Variants in MBD5 observed in about 807,000 individuals in gnomAD.
MBD5 encodes methyl-CpG-binding domain protein 5.
In MBD5, 13 loss-of-function variants were observed where a neutral mutation model predicts 117.3. The ratio of observed to expected loss-of-function variants is 0.11; its 90% CI spans 0.07 to 0.18. The LOEUF (loss-of-function observed/expected upper bound fraction) is 0.18. Ranked by LOEUF, MBD5 falls within the 10% of genes least tolerant of loss-of-function variation. The pLI, the probability that MBD5 is intolerant of heterozygous loss-of-function variation, is 1.00. For missense variants in MBD5, 1,879 were observed against 2,093.8 expected (o/e 0.90, Z 2.00); for synonymous variants, 727 against 766.4 (o/e 0.95, Z 0.85).
intron 1 of MBD5, among the ~76,000 whole-genome samples, chr2:148,047,363 C>T (rs1464873305): frequency 6.6e-6 from 1 of 152,104 alleles, no homozygotes; most frequent in African/African-American, 2.4e-5. Context: ...GAAGTAAGGG[C>T]TCTGCAACCA....
chr2:148,397,663 T>C (rs907534365), intron 4 of MBD5, among the ~76,000 whole-genome samples: 2 of 152,178 alleles, frequency 1.3e-5, no homozygotes, highest in African/African-American at 4.8e-5. Context: ...ATTTTATTTT[T>C]TATTATACTT....
intron 1 of MBD5, among the ~76,000 whole-genome samples, chr2:148,139,202 G>A (rs1313591533): frequency 6.6e-6 from 1 of 151,772 alleles, no homozygotes; most frequent in Non-Finnish European, 1.5e-5. Flanking sequence ...GTCCCAAGAT[G>A]GTTTTTTTAA....
In MBD5 at chr2:148,123,905, G is replaced by A. The variant is rs748447364; in HGVS notation, c.-924-54795G>A. Among the ~76,000 whole-genome samples, 9 of 152,252 alleles carry A rather than the reference G, an allele frequency of 5.9e-5. No homozygotes were observed. In the East Asian group the frequency reaches 7.7e-4, roughly 13 times the overall value. ...AAAAAGACAAAGGACAGATTACTTC[G>A]GTGGTGATGGTAATTAATAAAAATA... On this transcript the variant is annotated intron_variant, in intron 1 of 13. Coordinates refer to ENST00000642680, the MANE Select transcript of MBD5 (RefSeq NM_001378120.1).
intron 1 of MBD5, among the ~76,000 whole-genome samples, chr2:148,058,252 T>C (rs1694926342): frequency 6.6e-6 from 1 of 152,076 alleles, no homozygotes; most frequent in Non-Finnish European, 1.5e-5. Context: ...TCTTGGATAC[T>C]CACAGAAACC....
intron 4 of MBD5, among the ~76,000 whole-genome samples, chr2:148,457,352 T>C (rs926424155): frequency 6.6e-6 from 1 of 152,150 alleles, no homozygotes. Context: ...CTATATACAG[T>C]ATATTAAATT....
At chr2:148,418,397 G>C (rs1440668510) in intron 4 of MBD5, among the ~76,000 whole-genome samples, 1 of 151,878 alleles carries the variant, frequency 6.6e-6, no homozygotes, top group African/African-American at 2.4e-5. Flanking sequence ...ATAAATAAAG[G>C]GTATTCAAAT....
intron 11 of MBD5, among the ~76,000 whole-genome samples, chr2:148,500,305 C>CTA (rs1408932640): frequency 3.3e-5 from 5 of 151,200 alleles, no homozygotes; most frequent in East Asian, 1.9e-4. Flanking sequence ...TATATAAATG[C>CTA]TATATATATA....
chr2:148,093,859 A>C (rs1696000550), intron 1 of MBD5, among the ~76,000 whole-genome samples: 1 of 152,232 alleles, frequency 6.6e-6, no homozygotes, highest in African/African-American at 2.4e-5. Flanking sequence ...TCTATCTGGA[A>C]GAGCAGAAGA....
chr2:148,102,202 C>T (rs906597159), intron 1 of MBD5, among the ~76,000 whole-genome samples: 1 of 152,172 alleles, frequency 6.6e-6, no homozygotes. Context: ...GTTATTTTCA[C>T]CTACTTTGTC....
At chr2:148,207,885 C>G (rs1699325391) in intron 2 of MBD5, among the ~76,000 whole-genome samples, 1 of 152,178 alleles carries the variant, frequency 6.6e-6, no homozygotes, top group African/African-American at 2.4e-5. Context: ...AGCCCTAGCA[C>G]CCTAAAGCAT....
chr2:148,082,856 C>T (rs1356513941), intron 1 of MBD5, among the ~76,000 whole-genome samples: 3 of 152,266 alleles, frequency 2.0e-5, no homozygotes, highest in South Asian at 2.1e-4. Context: ...CAACAAAATA[C>T]GTAGGTTATC....
At chr2:148,048,192 T>C (rs548020058) in intron 1 of MBD5, among the ~76,000 whole-genome samples, 1 of 152,308 alleles carries the variant, frequency 6.6e-6, no homozygotes, top group South Asian at 2.1e-4. Flanking sequence ...CTCATGGTTT[T>C]TGGAAGATTC....
chr2:148,381,343 T>G (rs913139990), intron 4 of MBD5, among the ~76,000 whole-genome samples: 1 of 152,062 alleles, frequency 6.6e-6, no homozygotes, highest in Admixed American at 6.6e-5. Context: ...GTAACCAATG[T>G]GATCAACTGG....
intron 3 of MBD5, chr2:148,264,117 T>TAAG (rs1452493870): frequency 6.6e-6 from 1 of 152,160 alleles, no homozygotes; most frequent in Non-Finnish European, 1.5e-5. Context: ...AGAAGAAATT[T>TAAG]AAGAATTTGA....
chr2:148,212,275 C>T (rs1699442213), intron 2 of MBD5, among the ~76,000 whole-genome samples: 1 of 152,146 alleles, frequency 6.6e-6, no homozygotes, highest in South Asian at 2.1e-4. Context: ...CAGTAGTCTA[C>T]TTTCTGTCTC....
intron 2 of MBD5, among the ~76,000 whole-genome samples, chr2:148,180,343 C>CAGATATATATATATATAT (rs757856356): frequency 3.8e-5 from 4 of 105,542 alleles, no homozygotes; most frequent in African/African-American, 1.4e-4. Context: ...AAAAATTATA[C>CAGATATATATATATATAT]ATATATATAT....
chr2:148,212,297 G>A (rs1699442551), intron 2 of MBD5, among the ~76,000 whole-genome samples: 1 of 152,024 alleles, frequency 6.6e-6, no homozygotes, highest in African/African-American at 2.4e-5. Flanking sequence ...TTGGATTTGC[G>A]TATTCTGGAT....
chr2:148,447,026 A>G (rs1706556361), intron 4 of MBD5, among the ~76,000 whole-genome samples: 1 of 151,660 alleles, frequency 6.6e-6, no homozygotes, highest in Non-Finnish European at 1.5e-5. Context: ...GACAATGACA[A>G]TGTGATATTG....
chr2:148,328,699 C>G (rs1398987433), intron 3 of MBD5, among the ~76,000 whole-genome samples: 2 of 152,242 alleles, frequency 1.3e-5, no homozygotes, highest in Non-Finnish European at 2.9e-5. Context: ...CCTGCTTTGG[C>G]TCGCACATGG....
Sources: gnomAD v4.1 joint callset for allele counts (sites outside exome capture counted in the v4.1 genomes callset) on GRCh38, gnomAD v4.1.1 for gene constraint, MANE v1.5 for transcripts, NCBI Gene and HGNC (gene_info 2026-07-23, HGNC 2026-07-21) for gene names.